The following TRDN variants were observed in gnomAD, a reference collection of about 807,000 sequenced individuals.
TRDN encodes triadin, also known as triadin in skeletal muscle.
A neutral mutation model predicts 149.7 loss-of-function variants in TRDN; 161 were observed. That is an observed-to-expected ratio of 1.08 (90% confidence interval 0.95 to 1.23). The LOEUF (loss-of-function observed/expected upper bound fraction) is 1.23. Ranked by LOEUF, TRDN falls within the 50% of genes most tolerant of loss-of-function variation. The pLI, the probability that TRDN is intolerant of heterozygous loss-of-function variation, is 0.00. For synonymous variants in TRDN, 294 were observed against 250.5 expected (o/e 1.17, Z -1.64); for missense variants, 896 against 823.5 (o/e 1.09, Z -1.08).
intron 12 of TRDN, among the ~76,000 whole-genome samples, chr6:123,416,433 A>AT (rs35645799): frequency 0.39 from 59,412 of 151,910 alleles, 12,012 homozygotes; most frequent in Middle Eastern, 0.48. Context: ...GTATGAAACT[A>AT]TTTTCACAAA....
At chr6:123,406,684 T>A (rs1057314020) in intron 12 of TRDN, among the ~76,000 whole-genome samples, 1 of 152,138 alleles carries the variant, frequency 6.6e-6, no homozygotes. Flanking sequence ...TTTACATAAA[T>A]GTCTCTGCCT....
At chr6:123,269,068 A>G (rs986055790) in intron 31 of TRDN, among the ~76,000 whole-genome samples, 5 of 152,154 alleles carry the variant, frequency 3.3e-5, no homozygotes, top group African/African-American at 9.6e-5. Flanking sequence ...ACCAACAGCC[A>G]TTCATGCATT....
chr6:123,517,206 G>A (rs1583176648), intron 5 of TRDN, among the ~76,000 whole-genome samples: 2 of 152,114 alleles, frequency 1.3e-5, no homozygotes, highest in African/African-American at 2.4e-5. Flanking sequence ...GTTAGGGGAA[G>A]AGCCCTTGGC....
intron 12 of TRDN, 149 bp from the exon 13 acceptor site, chr6:123,393,826 A>G (rs1349020937): frequency 1.5e-6 from 1 of 671,022 alleles, no homozygotes; most frequent in Non-Finnish European, 2.5e-6. Flanking sequence ...AACTTATTAG[A>G]GGAATTGCTG....
chr6:123,623,025 A>T (rs1008498222), intron 1 of TRDN, among the ~76,000 whole-genome samples: 2 of 152,060 alleles, frequency 1.3e-5, no homozygotes, highest in Non-Finnish European at 2.9e-5. Flanking sequence ...CCTCTCCTCA[A>T]ATTATGCTGT....
chr6:123,433,162 A>ATATTAT (rs796874348), intron 12 of TRDN, among the ~76,000 whole-genome samples: 2 of 80,034 alleles, frequency 2.5e-5, no homozygotes, highest in Non-Finnish European at 5.0e-5. Context: ...ATATATATAT[A>ATATTAT]ATATATATAT....
At chr6:123,503,947 A>T (rs762285939) in intron 7 of TRDN, 46 bp from the exon 8 acceptor site, 8 of 1,505,522 alleles carry the variant, frequency 5.3e-6, no homozygotes, top group Non-Finnish European at 7.1e-6. Flanking sequence ...TTATTTACAA[A>T]CATAATGTTT....
Position 123,252,404 on chromosome 6 carries a change from G to A in TRDN, c.1975+8C>T, listed in dbSNP as rs754046696. The A allele has an allele frequency of 1.5e-5, 22 of 1,502,536 alleles. No individual in the cohort carries two copies. The highest frequency in any genetic ancestry group is 8.3e-5 in the African/African-American group (6 of 72,092). The allele number at this position is 1,502,536 out of a possible 1,614,324, so 93.1% of individuals were successfully genotyped here. A position where few individuals can be genotyped will look rare whatever the true frequency, so the allele number is the denominator to read the frequency against. On this transcript the variant is annotated splice_region_variant and intron_variant, in intron 38 of 40. Coordinates refer to ENST00000334268, the MANE Select transcript of TRDN (RefSeq NM_006073.4). ...AGAGAACTTGTCATTAATACAAACCGTACTTACTTGATACTCTTGCAGGTT... is the reference window on the plus strand; with the variant it reads ...AGAGAACTTGTCATTAATACAAACCATACTTACTTGATACTCTTGCAGGTT...
chr6:123,523,932 A>G (rs558704858), intron 5 of TRDN, among the ~76,000 whole-genome samples: 3 of 152,214 alleles, frequency 2.0e-5, no homozygotes, highest in South Asian at 2.1e-4. Context: ...GTCAAAAGAA[A>G]CCACTGTGGG....
At chr6:123,300,439 A>G (rs967103185) in intron 24 of TRDN, among the ~76,000 whole-genome samples, 2 of 151,950 alleles carry the variant, frequency 1.3e-5, no homozygotes. Context: ...TAATGAAGTT[A>G]TCATCATTCT....
At chr6:123,256,890 G>C (rs1776583366) in intron 35 of TRDN, among the ~76,000 whole-genome samples, 1 of 151,734 alleles carries the variant, frequency 6.6e-6, no homozygotes, top group Non-Finnish European at 1.5e-5. Context: ...TGAAGTCTTT[G>C]TCCATGTCTA....
chr6:123,566,491 A>G (rs1361665496), intron 2 of TRDN, among the ~76,000 whole-genome samples: 1 of 152,252 alleles, frequency 6.6e-6, no homozygotes, highest in African/African-American at 2.4e-5. Context: ...AATCCAGTAC[A>G]GTATGAGCTT....
chr6:123,439,439 G>A (rs1438310694), intron 10 of TRDN, among the ~76,000 whole-genome samples: 2 of 152,088 alleles, frequency 1.3e-5, no homozygotes, highest in African/African-American at 4.8e-5. Context: ...TAATATATTA[G>A]ACCATTAAAA....
chr6:123,495,149 G>A (rs942131936), intron 9 of TRDN, among the ~76,000 whole-genome samples: 2 of 152,000 alleles, frequency 1.3e-5, no homozygotes, highest in Non-Finnish European at 2.9e-5. Context: ...AACCTCCTGG[G>A]CCCAAGCAGT....
chr6:123,493,225 G>T (rs1007914488), intron 9 of TRDN, among the ~76,000 whole-genome samples: 3 of 152,036 alleles, frequency 2.0e-5, no homozygotes, highest in African/African-American at 7.2e-5. Context: ...ACTTAATATA[G>T]AGTAAGTCAG....
At chr6:123,382,397 T>C (rs890116291) in intron 14 of TRDN, among the ~76,000 whole-genome samples, 11 of 151,422 alleles carry the variant, frequency 7.3e-5, no homozygotes, top group African/African-American at 2.7e-4. Flanking sequence ...TATAAAACAT[T>C]GAAAAATATA....
intron 21 of TRDN, among the ~76,000 whole-genome samples, 184 bp from the exon 22 acceptor site, chr6:123,337,853 A>G (rs2114738352): frequency 6.6e-6 from 1 of 152,292 alleles, no homozygotes; most frequent in Non-Finnish European, 1.5e-5. Flanking sequence ...TAAACAATAG[A>G]AAATAAGCCC....
chr6:123,243,881 A>T (rs966245974), intron 38 of TRDN, among the ~76,000 whole-genome samples: 3 of 152,186 alleles, frequency 2.0e-5, no homozygotes, highest in Non-Finnish European at 4.4e-5. Flanking sequence ...GGGTTAGAAA[A>T]TCTATTTAAC....
At chr6:123,438,196 C>T (rs185451899) in intron 11 of TRDN, 74 bp from the exon 12 acceptor site, 3 of 1,015,126 alleles carry the variant, frequency 3.0e-6, no homozygotes, top group South Asian at 1.5e-5. Flanking sequence ...GCATGACTAC[C>T]AGTGAGGCAT....
Sources: gnomAD v4.1 joint callset for allele counts (sites outside exome capture counted in the v4.1 genomes callset) on GRCh38, gnomAD v4.1.1 for gene constraint, MANE v1.5 for transcripts, NCBI Gene and HGNC (gene_info 2026-07-23, HGNC 2026-07-21) for gene names.